Variants in ADAM8 observed in about 807,000 individuals in gnomAD.
ADAM8 encodes the protein ADAM metallopeptidase domain 8.
In ADAM8, 104 loss-of-function variants were observed where a neutral mutation model predicts 102.4. That is an observed-to-expected ratio of 1.02 (90% CI 0.87 to 1.20). The LOEUF (loss-of-function observed/expected upper bound fraction) is 1.20. Among genes scored for constraint, ADAM8 ranks in the 50% most tolerant of loss-of-function variants. The pLI, the probability that ADAM8 is intolerant of heterozygous loss-of-function variation, is 0.00. For synonymous variants in ADAM8, 517 were observed against 485.2 expected (o/e 1.07, Z -0.86); for missense variants, 1,132 against 1,159.0 (o/e 0.98, Z 0.34).
chr10:133,269,600 G>C (rs1184168288), intron 17 of ADAM8, 71 bp from the exon 18 acceptor site: 1 of 1,424,714 alleles, frequency 7.0e-7, no homozygotes, highest in African/African-American at 1.4e-5. Flanking sequence ...CGTGCCTCCA[G>C]CATGAGGGCC....
chr10:133,269,763 A>T, intron 17 of ADAM8, 134 bp downstream of exon 17: 2 of 1,119,854 alleles, frequency 1.8e-6, no homozygotes, highest in Non-Finnish European at 2.6e-6. Context: ...CAGGGGCTCC[A>T]CAGAGACCCC....
At chr10:133,276,508 G>A (rs981102191) in intron 1 of ADAM8, among the ~76,000 whole-genome samples, 2 of 152,226 alleles carry the variant, frequency 1.3e-5, no homozygotes, top group Admixed American at 6.5e-5. Flanking sequence ...GCCCGGCCCC[G>A]ACCCCACTAA....
chr10:133,271,044 A>G lies in ADAM8; in HGVS notation c.1401T>C (p.Arg467=). Residue 467 remains arginine (R), a synonymous_variant, in exon 14 of 23, where the codon CGT becomes CGC. Coordinates refer to ENST00000445355, the MANE Select transcript of ADAM8 (RefSeq NM_001109.5). ...CKVKPAGELC[R]PKKDMCDLEE... is the part of the protein sequence containing the mutation. ...CGAGGTCACACATGTCCTTCTTGGG[A>G]CGGCACAGCTCACCAGCCGGCTTCA... The G allele has an allele frequency of 1.2e-6, 2 of 1,612,154 alleles. No homozygotes were observed. Among genetic ancestry groups the G allele is most frequent in the Non-Finnish European group, 8.5e-7 (1 of 1,179,788 alleles).
chr10:133,272,015 A>T, intron 10 of ADAM8, 61 bp from the exon 11 acceptor site: 1 of 1,587,474 alleles, frequency 6.3e-7, no homozygotes, highest in Non-Finnish European at 8.6e-7. Context: ...TGCCACCCTC[A>T]CCCCACCAGG....
At chr10:133,271,163 T>C in intron 13 of ADAM8, 37 bp downstream of exon 13, 1 of 1,599,998 alleles carries the variant, frequency 6.3e-7, no homozygotes, top group Non-Finnish European at 8.5e-7. Context: ...CTGCCAGCCA[T>C]GGGCTCTGGG....
At position 133,267,435 on chromosome 10, in the gene ADAM8, G is replaced by T; in HGVS notation, c.2254-18C>A. On this transcript the variant is annotated intron_variant, in intron 20 of 22. Coordinates refer to ENST00000445355, the MANE Select transcript of ADAM8 (RefSeq NM_001109.5). ...ACCGGAGGCTGGAGGAGACAGGGCC[G>T]AGAGCCTGGGTCAGAGCTGGGACCC... 1 of 1,600,128 alleles carries T rather than the reference G, an allele frequency of 6.2e-7. No homozygotes were observed. Among genetic ancestry groups the T allele is most frequent in the Non-Finnish European group, 8.5e-7 (1 of 1,174,880 alleles).
At chr10:133,267,595 T>A (rs971131864) in intron 20 of ADAM8, among the ~76,000 whole-genome samples, 178 bp from the exon 21 acceptor site, 2 of 152,182 alleles carry the variant, frequency 1.3e-5, no homozygotes, top group African/African-American at 4.8e-5. Flanking sequence ...AGCCGTGTGA[T>A]CCCGAGCTGG....
intron 2 of ADAM8, chr10:133,274,787 CT>C (rs1846685566): frequency 2.6e-6 from 1 of 391,192 alleles, no homozygotes; most frequent in South Asian, 1.7e-5. Context: ...CTTCCAGCAG[CT>C]GCCGGACCTG....
intron 2 of ADAM8, 140 bp downstream of exon 2, chr10:133,275,344 G>T: frequency 1.6e-6 from 1 of 619,618 alleles, no homozygotes; most frequent in Non-Finnish European, 2.8e-6. Flanking sequence ...GAACGGAGAT[G>T]GGCCCCAGGG....
At position 133,271,918 on chromosome 10, in the gene ADAM8, T is replaced by C. The variant is rs371250610; in HGVS notation, c.994A>G (p.Met332Val). The C allele has an allele frequency of 6.2e-7, 1 of 1,612,426 alleles. No homozygotes were observed. The highest frequency in any genetic ancestry group is 8.5e-7 in the Non-Finnish European group (1 of 1,179,682). The stretch of plus-strand genomic sequence containing the variant: ...AGGTTGTGGCCCATCTCATGGGCCA[T>C]GGTACAGGCCACGCCCACGGGGTTC... The part of the protein sequence containing the change: ...SKNPVGVACT[M>V]AHEMGHNLGM... The change falls in exon 11 of 23, where the codon ATG becomes GTG. Residue 332 changes from methionine to valine, a missense_variant. Coordinates refer to ENST00000445355, the MANE Select transcript of ADAM8 (RefSeq NM_001109.5).
chr10:133,268,392 G>T (rs11101673), intron 19 of ADAM8, among the ~76,000 whole-genome samples: 1 of 152,190 alleles, frequency 6.6e-6, no homozygotes, highest in East Asian at 1.9e-4. Context: ...TGCTGTGTGG[G>T]GGTCCAGGTC....
chr10:133,267,044 C>T (rs1846343524), intron 21 of ADAM8, among the ~76,000 whole-genome samples: 1 of 152,022 alleles, frequency 6.6e-6, no homozygotes. Flanking sequence ...CCCAGGGAGT[C>T]CTCTTCTCTG....
intron 16 of ADAM8, 62 bp from the exon 17 acceptor site, chr10:133,270,036 G>C (rs987745383): frequency 1.3e-6 from 2 of 1,560,868 alleles, no homozygotes; most frequent in Admixed American, 1.7e-5. Context: ...AGCGTCCCTT[G>C]AAACTGCATG....
rs767993454 is a variant in ADAM8 at position 133,272,594 on chromosome 10, G to A, written c.706-9C>T. The A allele has an allele frequency of 2.1e-5, 33 of 1,602,908 alleles. No homozygotes were observed. The Admixed American group carries it at 5.0e-4, about 24-fold the overall frequency. ...TTGAGTTTCTGATATAGCTGGAGAG[G>A]TGGTGGAGTCCTGGGGGTCAGGCAG... On this transcript the variant is annotated splice_polypyrimidine_tract_variant and intron_variant, in intron 8 of 22. Coordinates refer to ENST00000445355, the MANE Select transcript of ADAM8 (RefSeq NM_001109.5).
chr10:133,272,920 G>T (rs756049712), intron 7 of ADAM8, 37 bp downstream of exon 7: 2 of 1,611,572 alleles, frequency 1.2e-6, no homozygotes, highest in Non-Finnish European at 1.7e-6. Context: ...TGCCCCCGCC[G>T]CCGGCTGCTC....
chr10:133,272,611 G>A (rs1313708930), intron 8 of ADAM8, 26 bp from the exon 9 acceptor site: 3 of 1,591,646 alleles, frequency 1.9e-6, no homozygotes, highest in African/African-American at 2.7e-5. Context: ...AGTCCTGGGG[G>A]TCAGGCAGGG....
At position 133,273,061 on chromosome 10, in the gene ADAM8, C is replaced by T. The variant is rs750712174; in HGVS notation, c.574-42G>A. The T allele has an allele frequency of 3.1e-5, 50 of 1,612,290 alleles. No homozygotes were observed. The Middle Eastern group carries it at 4.9e-4, about 16-fold the overall frequency. ...AGAAGCCAGTCAGCCTTCCCAGCGC[C>T]GGGGCCTGGACCCTCCCTCAGGGAC... On this transcript the variant is annotated intron_variant, in intron 6 of 22. Coordinates refer to ENST00000445355, the MANE Select transcript of ADAM8 (RefSeq NM_001109.5).
At position 133,275,525 on chromosome 10, in the gene ADAM8, G is replaced by A. The variant is rs1316951689; in HGVS notation, c.109C>T (p.Leu37=). 3 of 1,528,194 alleles carry A rather than the reference G, an allele frequency of 2.0e-6. No individual in the cohort carries two copies. Among genetic ancestry groups the A allele is most frequent in the Non-Finnish European group, 2.6e-6 (3 of 1,138,416 alleles). 94.7% of individuals were successfully genotyped at this position (1,528,194 alleles called of 1,614,324 possible). The change falls in exon 2 of 23, where the codon CTG becomes TTG. Residue 37 remains leucine, a synonymous_variant. Transcript: ENST00000445355. ...EQYEVVLPWR[L]PGPRVRRALP... is the part of the protein sequence containing the mutation. ...GCTCGGCGGACTCGGGGGCCTGGCA[G>A]ACGCCACGGCAACACGACCTCATAC...
In ADAM8 at chr10:133,274,235, C is replaced by T. The variant is rs768933436; in HGVS notation, c.151G>A (p.Gly51Ser). The T allele has an allele frequency of 7.1e-5, 111 of 1,553,696 alleles. No individual in the cohort carries two copies. The highest frequency in any genetic ancestry group is 9.0e-5 in the Non-Finnish European group (104 of 1,150,922). ...RVRRALPSHL[G>S]LHPERVSYVL... ...TAGCTCACCCTCTCTGGGTGCAGGC[C>T]CTGAGCGAGGAGGGAAGGGTCCCAG... Residue 51 changes from glycine to serine, a missense_variant and splice_region_variant, in exon 3 of 23, where the codon GGC becomes AGC. Gly to Ser is a moderately conservative substitution (Grantham distance 56, BLOSUM62 0). Coordinates refer to ENST00000445355, the MANE Select transcript of ADAM8 (RefSeq NM_001109.5).
Sources: allele counts gnomAD v4.1 joint callset (sites outside exome capture counted in the v4.1 genomes callset), GRCh38; gene constraint gnomAD v4.1.1; transcripts MANE v1.5; gene names NCBI Gene and HGNC (gene_info 2026-07-23, HGNC 2026-07-21).